Variants in AUTS2 observed in about 807,000 individuals in gnomAD.
AUTS2 encodes autism susceptibility gene 2 protein.
AUTS2 carries 17 observed loss-of-function variants against 112.4 expected under a neutral mutation model. The ratio of observed to expected loss-of-function variants is 0.15; its 90% CI spans 0.10 to 0.23. The LOEUF (loss-of-function observed/expected upper bound fraction) is 0.23. Ranked by LOEUF, AUTS2 falls within the 10% of genes least tolerant of loss-of-function variation. The pLI is 1.00. For missense variants in AUTS2, 1,510 were observed against 1,701.6 expected, an observed-to-expected ratio of 0.89 and a Z score of 1.98; for synonymous variants, 751 against 702.7, an observed-to-expected ratio of 1.07 and a Z score of -1.09.
intron 2 of AUTS2, among the ~76,000 whole-genome samples, chr7:69,979,474 A>C (rs1330067431): frequency 6.6e-6 from 1 of 152,236 alleles, no homozygotes; most frequent in African/African-American, 2.4e-5. Context: ...CAATGGAAGG[A>C]TTTCAATTAC....
chr7:70,244,816 C>G (rs1336880815), intron 4 of AUTS2, among the ~76,000 whole-genome samples: 1 of 152,068 alleles, frequency 6.6e-6, no homozygotes, highest in African/African-American at 2.4e-5. Flanking sequence ...CTAAACTTAA[C>G]TGATAAAAGT....
chr7:69,685,423 C>T (rs567818295), intron 1 of AUTS2, among the ~76,000 whole-genome samples: 2 of 152,322 alleles, frequency 1.3e-5, no homozygotes, highest in Non-Finnish European at 2.9e-5. Context: ...TTTGCCACCT[C>T]TCTACCACAG....
chr7:69,810,445 A>G (rs1790498030), intron 1 of AUTS2, among the ~76,000 whole-genome samples: 1 of 152,130 alleles, frequency 6.6e-6, no homozygotes, highest in Non-Finnish European at 1.5e-5. Flanking sequence ...TGATGTATGG[A>G]AAGCCCTTGG....
intron 4 of AUTS2, among the ~76,000 whole-genome samples, chr7:70,415,896 G>T (rs1006350684): frequency 1.3e-5 from 2 of 152,182 alleles, no homozygotes; most frequent in African/African-American, 4.8e-5. Flanking sequence ...ACACAGCGCC[G>T]ACAGCTGAGT....
At chr7:70,268,131 C>T (rs1787523466) in intron 4 of AUTS2, among the ~76,000 whole-genome samples, 2 of 152,180 alleles carry the variant, frequency 1.3e-5, no homozygotes, top group Non-Finnish European at 2.9e-5. Flanking sequence ...GTTACCAACT[C>T]TTCTGCACCA....
intron 2 of AUTS2, among the ~76,000 whole-genome samples, chr7:69,995,987 G>A (rs570622250): frequency 2.0e-5 from 3 of 152,282 alleles, no homozygotes; most frequent in Non-Finnish European, 4.4e-5. Context: ...TCTTGGAAGC[G>A]AAGTACTTTC....
chr7:70,108,662 A>C (rs1002107406), intron 2 of AUTS2, among the ~76,000 whole-genome samples: 2 of 151,896 alleles, frequency 1.3e-5, no homozygotes, highest in African/African-American at 4.8e-5. Flanking sequence ...ACTACAACAA[A>C]ATGTAAATAA....
intron 4 of AUTS2, among the ~76,000 whole-genome samples, chr7:70,238,161 T>G (rs940886837): frequency 6.6e-6 from 1 of 152,202 alleles, no homozygotes; most frequent in Non-Finnish European, 1.5e-5. Context: ...ATTCAAAGAC[T>G]AAATCTGAGC....
At chr7:69,997,376 G>A (rs1798994557) in intron 2 of AUTS2, among the ~76,000 whole-genome samples, 1 of 152,148 alleles carries the variant, frequency 6.6e-6, no homozygotes, top group Non-Finnish European at 1.5e-5. Flanking sequence ...GTTTTGGCAT[G>A]AAATTAAACT....
At chr7:70,230,939 C>G (rs973794824) in intron 4 of AUTS2, among the ~76,000 whole-genome samples, 1 of 152,224 alleles carries the variant, frequency 6.6e-6, no homozygotes, top group Admixed American at 6.5e-5. Context: ...AGCACACCCA[C>G]CCCGACAGCA....
chr7:70,639,100 T>G (rs1308320905), intron 5 of AUTS2, among the ~76,000 whole-genome samples: 1 of 152,146 alleles, frequency 6.6e-6, no homozygotes, highest in African/African-American at 2.4e-5. Flanking sequence ...CGCAAAAGAT[T>G]AAGCGCATAA....
chr7:70,388,417 T>G, intron 4 of AUTS2, among the ~76,000 whole-genome samples: 1 of 152,340 alleles, frequency 6.6e-6, no homozygotes, highest in South Asian at 2.1e-4. Flanking sequence ...AATGAATTTT[T>G]TAACTTCTAT....
At chr7:70,027,464 T>C (rs1015639127) in intron 2 of AUTS2, among the ~76,000 whole-genome samples, 2 of 152,176 alleles carry the variant, frequency 1.3e-5, no homozygotes, top group African/African-American at 4.8e-5. Flanking sequence ...ATCCAGCCCC[T>C]ATGTCATTGG....
At chr7:70,743,920 T>C (rs1788276918) in intron 6 of AUTS2, among the ~76,000 whole-genome samples, 1 of 152,154 alleles carries the variant, frequency 6.6e-6, no homozygotes, top group African/African-American at 2.4e-5. Context: ...GCAAAGAATT[T>C]GCTGCATTTT....
chr7:70,789,957 G>A lies in AUTS2; in HGVS notation c.2741G>A (p.Gly914Asp), dbSNP rs1791781306. Residue 914 changes from glycine to aspartate, a missense_variant, in exon 19 of 19, where the codon GGC becomes GAC. By Grantham distance (94) the Gly-to-Asp change is moderately conservative. Coordinates refer to ENST00000342771, the MANE Select transcript of AUTS2 (RefSeq NM_015570.4). Reference protein sequence around the residue: ...LAADEHKAKEGHLPEKDGHGH... With the variant: ...LAADEHKAKEDHLPEKDGHGH... ...GCCGACGAGCACAAGGCGAAAGAGG[G>A]CCACCTGCCCGAGAAGGACGGGCAC... 6.2e-7 allele frequency: 1 copy of A among 1,613,514 alleles called. No individual in the cohort carries two copies. The highest frequency in any genetic ancestry group is 1.3e-5 in the African/African-American group (1 of 74,924).
intron 4 of AUTS2, among the ~76,000 whole-genome samples, chr7:70,311,269 G>C (rs1789736760): frequency 6.6e-6 from 1 of 152,190 alleles, no homozygotes; most frequent in African/African-American, 2.4e-5. Flanking sequence ...AAGGTATTGA[G>C]ACTACTGTCT....
At chr7:70,677,198 C>T (rs1009586346) in intron 5 of AUTS2, among the ~76,000 whole-genome samples, 12 of 152,162 alleles carry the variant, frequency 7.9e-5, no homozygotes, top group African/African-American at 1.4e-4. Flanking sequence ...GCGCAGTAAA[C>T]GTGGACACTG....
intron 4 of AUTS2, among the ~76,000 whole-genome samples, chr7:70,208,713 A>T (rs1401189587): frequency 6.6e-6 from 1 of 151,932 alleles, no homozygotes; most frequent in Non-Finnish European, 1.5e-5. Context: ...AACGTGATAG[A>T]GATGGGTGGT....
At chr7:69,987,670 A>AT (rs1798569462) in intron 2 of AUTS2, among the ~76,000 whole-genome samples, 1 of 152,024 alleles carries the variant, frequency 6.6e-6, no homozygotes, top group South Asian at 2.1e-4. Context: ...AGGTCTTGTG[A>AT]TGTTGCCCAT....
Sources: gnomAD v4.1 joint callset for allele counts (sites outside exome capture counted in the v4.1 genomes callset) on GRCh38, gnomAD v4.1.1 for gene constraint, MANE v1.5 for transcripts, NCBI Gene and HGNC (gene_info 2026-07-23, HGNC 2026-07-21) for gene names.